BMP5: variants seen among roughly 807,000 people sequenced by gnomAD.
The protein encoded by BMP5 is bone morphogenetic protein 5.
BMP5 carries 23 observed loss-of-function variants against 46.6 expected under a neutral mutation model. The ratio of observed to expected loss-of-function variants is 0.49; its 90% CI spans 0.35 to 0.70. The LOEUF (loss-of-function observed/expected upper bound fraction) is 0.70. BMP5 is among the 30% of genes least tolerant of loss of function. The probability of loss-of-function intolerance (pLI) is 0.00; values close to 1 mark genes in which losing one functional copy is unlikely to be tolerated. For synonymous variants in BMP5, 204 were observed against 191.9 expected (o/e 1.06, Z -0.52); for missense variants, 545 against 565.6 (o/e 0.96, Z 0.37).
intron 1 of BMP5, among the ~76,000 whole-genome samples, chr6:55,857,358 G>C (rs372840132): frequency 3.9e-5 from 6 of 152,162 alleles, no homozygotes; most frequent in African/African-American, 1.2e-4. Context: ...TTGATAAGAT[G>C]ATAAATATGT....
At chr6:55,847,951 A>T (rs564336611) in intron 1 of BMP5, among the ~76,000 whole-genome samples, 1 of 152,036 alleles carries the variant, frequency 6.6e-6, no homozygotes, top group South Asian at 2.1e-4. Context: ...ACTTCAATTA[A>T]TTTTCCTTAA....
chr6:55,832,695 T>C (rs1373135951), intron 1 of BMP5, among the ~76,000 whole-genome samples: 1 of 152,188 alleles, frequency 6.6e-6, no homozygotes, highest in Non-Finnish European at 1.5e-5. Context: ...CAATGCCTCC[T>C]ATTAAACGTG....
intron 3 of BMP5, among the ~76,000 whole-genome samples, chr6:55,784,184 CAT>C (rs1775392136): frequency 6.6e-6 from 1 of 151,818 alleles, no homozygotes. Flanking sequence ...TCTCCCCTTA[CAT>C]ATGTTACCTG....
chr6:55,847,583 C>A (rs1777128864), intron 1 of BMP5, among the ~76,000 whole-genome samples: 1 of 151,810 alleles, frequency 6.6e-6, no homozygotes, highest in African/African-American at 2.4e-5. Flanking sequence ...TGCTATTATT[C>A]ATTGACTTCA....
At chr6:55,765,997 C>T (rs1774907941) in intron 4 of BMP5, among the ~76,000 whole-genome samples, 1 of 152,080 alleles carries the variant, frequency 6.6e-6, no homozygotes, top group Admixed American at 6.6e-5. Context: ...ACTCAATGTT[C>T]ACTATTTTTG....
intron 1 of BMP5, among the ~76,000 whole-genome samples, chr6:55,835,451 A>G (rs1249880994): frequency 6.6e-6 from 1 of 152,210 alleles, no homozygotes; most frequent in Non-Finnish European, 1.5e-5. Flanking sequence ...ATTTAGCATT[A>G]CATACTAACT....
intron 1 of BMP5, among the ~76,000 whole-genome samples, chr6:55,861,054 AT>A (rs1276391367): frequency 6.6e-6 from 1 of 152,178 alleles, no homozygotes; most frequent in Non-Finnish European, 1.5e-5. Context: ...TGTGTACTAA[AT>A]ATGGGATGTT....
At chr6:55,757,842 ATTGCACTTT>A (rs1190464788) in intron 6 of BMP5, among the ~76,000 whole-genome samples, 2 of 151,898 alleles carry the variant, frequency 1.3e-5, no homozygotes, top group Non-Finnish European at 2.9e-5. Context: ...GTTGTTATAG[ATTGCACTTT>A]TTGGTGTCTA....
At chr6:55,784,922 T>G (rs1775410866) in intron 3 of BMP5, among the ~76,000 whole-genome samples, 1 of 151,884 alleles carries the variant, frequency 6.6e-6, no homozygotes, top group Non-Finnish European at 1.5e-5. Context: ...CAAATCGTTT[T>G]CAGATTTATT....
At chr6:55,777,751 G>A (rs1775211226) in intron 3 of BMP5, among the ~76,000 whole-genome samples, 2 of 151,860 alleles carry the variant, frequency 1.3e-5, no homozygotes, top group Non-Finnish European at 1.5e-5. Flanking sequence ...CTATAACTCA[G>A]AGTTACTTCT....
At chr6:55,795,125 G>T (rs190647747) in intron 2 of BMP5, among the ~76,000 whole-genome samples, 2 of 152,164 alleles carry the variant, frequency 1.3e-5, no homozygotes, top group African/African-American at 2.4e-5. Context: ...AACGTTTATG[G>T]TTGTATTGCT....
intron 1 of BMP5, chr6:55,865,485 G>T: frequency 2.1e-6 from 1 of 470,128 alleles, no homozygotes; most frequent in Non-Finnish European, 4.3e-6. Context: ...AAGCACCACA[G>T]TCCGTCTCAT....
At chr6:55,837,369 A>AGATAGATG (rs1554184998) in intron 1 of BMP5, among the ~76,000 whole-genome samples, 4,883 of 149,064 alleles carry the variant, frequency 0.033, 120 homozygotes, top group African/African-American at 0.07. Flanking sequence ...ATAGATAGAT[A>AGATAGATG]GATAGATAGA....
intron 4 of BMP5, among the ~76,000 whole-genome samples, chr6:55,762,127 G>T (rs1259147757): frequency 6.6e-6 from 1 of 152,060 alleles, no homozygotes; most frequent in African/African-American, 2.4e-5. Flanking sequence ...AAGAAACACA[G>T]AGATTTATGG....
intron 1 of BMP5, among the ~76,000 whole-genome samples, chr6:55,855,141 A>G (rs570036471): frequency 6.6e-6 from 1 of 152,280 alleles, no homozygotes; most frequent in South Asian, 2.1e-4. Flanking sequence ...GGACATCTCG[A>G]TAAGATTTTT....
At chr6:55,828,530 A>C (rs1470432209) in intron 1 of BMP5, among the ~76,000 whole-genome samples, 1 of 151,802 alleles carries the variant, frequency 6.6e-6, no homozygotes, top group East Asian at 1.9e-4. Flanking sequence ...AAGTGAAGCC[A>C]CTCACCCTAA....
intron 1 of BMP5, 34 bp from the exon 2 acceptor site, chr6:55,819,881 G>T: frequency 1.3e-6 from 2 of 1,533,852 alleles, no homozygotes; most frequent in South Asian, 2.2e-5. Flanking sequence ...GGGGAAAAAA[G>T]TTAGTCTTTT....
At chr6:55,861,048 T>G (rs911260282) in intron 1 of BMP5, among the ~76,000 whole-genome samples, 1 of 152,214 alleles carries the variant, frequency 6.6e-6, no homozygotes, top group African/African-American at 2.4e-5. Context: ...AAAGGATGTG[T>G]ACTAAATATG....
chr6:55,844,637 A>T (rs1777052722), intron 1 of BMP5, among the ~76,000 whole-genome samples: 1 of 151,952 alleles, frequency 6.6e-6, no homozygotes, highest in Non-Finnish European at 1.5e-5. Flanking sequence ...TGAATTCAAT[A>T]ATAGGAATAC....
Sources: allele counts gnomAD v4.1 joint callset (sites outside exome capture counted in the v4.1 genomes callset), GRCh38; gene constraint gnomAD v4.1.1; transcripts MANE v1.5; gene names NCBI Gene and HGNC (gene_info 2026-07-23, HGNC 2026-07-21).